MCU: variants seen among roughly 807,000 people sequenced by gnomAD.
MCU encodes mitochondrial calcium uniporter.
A neutral mutation model predicts 45.2 loss-of-function variants in MCU; 12 were observed. The ratio of observed to expected loss-of-function variants is 0.27; its 90% CI spans 0.17 to 0.43. MCU has a LOEUF of 0.43. Ranked by LOEUF, MCU falls within the 20% of genes least tolerant of loss-of-function variation. MCU has a pLI of 1.00. For missense variants in MCU, 324 were observed against 436.7 expected, an observed-to-expected ratio of 0.74 and a Z score of 2.30; for synonymous variants, 160 against 165.1, an observed-to-expected ratio of 0.97 and a Z score of 0.24.
intron 1 of MCU, among the ~76,000 whole-genome samples, chr10:72,749,991 G>C (rs1206812066): frequency 6.6e-6 from 1 of 151,480 alleles, no homozygotes; most frequent in Non-Finnish European, 1.5e-5. Context: ...TGTTGACTGG[G>C]CTGGTCTTGA....
intron 2 of MCU, among the ~76,000 whole-genome samples, chr10:72,847,512 A>AG (rs1845141216): frequency 1.3e-5 from 2 of 152,154 alleles, no homozygotes. Context: ...ATGTATGTAT[A>AG]GCAAAAAAAA....
At chr10:72,792,708 C>A (rs1243378331) in intron 1 of MCU, among the ~76,000 whole-genome samples, 1 of 144,886 alleles carries the variant, frequency 6.9e-6, no homozygotes, top group South Asian at 2.4e-4. Context: ...CCCTCCCCCC[C>A]ACCCCCACCC....
chr10:72,713,132 G>A (rs150589888), intron 1 of MCU, among the ~76,000 whole-genome samples: 1 of 152,188 alleles, frequency 6.6e-6, no homozygotes, highest in Non-Finnish European at 1.5e-5. Flanking sequence ...GTTACAAATG[G>A]TGACCAATTT....
intron 1 of MCU, among the ~76,000 whole-genome samples, chr10:72,720,498 A>G (rs1185328050): frequency 6.6e-6 from 1 of 151,676 alleles, no homozygotes; most frequent in Non-Finnish European, 1.5e-5. Context: ...TCCACTGACT[A>G]TTAGGCCCTG....
intron 1 of MCU, chr10:72,760,701 A>ATTTTT (rs995677860): frequency 1.6e-5 from 2 of 123,740 alleles, no homozygotes; most frequent in African/African-American, 6.9e-5. Flanking sequence ...GGTTACTTAA[A>ATTTTT]TTTTTTTTTT....
rs1845094750 is a variant in MCU, at chr10:72,844,668, T to C, written c.220+10240T>C. On this transcript the variant is annotated intron_variant, in intron 2 of 7. Coordinates refer to ENST00000373053, the MANE Select transcript of MCU (RefSeq NM_138357.3). ...AAGTAGATAGATATTTAGTTTATTC[T>C]ATTAAAATGACAATCTTATATTTTG... Among the ~76,000 whole-genome samples the C allele has an allele frequency of 2.6e-5, 4 of 152,298 alleles. No homozygotes were observed. In the South Asian group the frequency reaches 8.3e-4, roughly 32 times the overall value.
intron 1 of MCU, among the ~76,000 whole-genome samples, chr10:72,763,530 CA>C (rs972060717): frequency 1.6e-4 from 25 of 152,108 alleles, no homozygotes; most frequent in African/African-American, 6.0e-4. Flanking sequence ...TAAAGAATCA[CA>C]AATCAGTAAA....
chr10:72,854,812 T>C (rs1273254564), intron 2 of MCU, among the ~76,000 whole-genome samples: 1 of 152,242 alleles, frequency 6.6e-6, no homozygotes, highest in Non-Finnish European at 1.5e-5. Context: ...ATATTGCCTG[T>C]GGCTGCTTTT....
At chr10:72,790,980 A>G (rs942280388) in intron 1 of MCU, among the ~76,000 whole-genome samples, 6 of 152,220 alleles carry the variant, frequency 3.9e-5, no homozygotes, top group African/African-American at 7.2e-5. Flanking sequence ...CTATTCGTAT[A>G]TAATTAGTGT....
At chr10:72,702,565 T>C (rs952980869) in intron 1 of MCU, among the ~76,000 whole-genome samples, 3 of 152,180 alleles carry the variant, frequency 2.0e-5, no homozygotes, top group Non-Finnish European at 4.4e-5. Context: ...CAGGAGACAT[T>C]GTACAAACAG....
intron 1 of MCU, among the ~76,000 whole-genome samples, chr10:72,833,787 G>A (rs940319496): frequency 2.0e-5 from 3 of 152,228 alleles, no homozygotes; most frequent in African/African-American, 7.2e-5. Context: ...GTGGATGTGA[G>A]TGTGAGTGAT....
intron 1 of MCU, among the ~76,000 whole-genome samples, chr10:72,826,632 A>G (rs931382787): frequency 4.6e-5 from 7 of 152,192 alleles, no homozygotes; most frequent in African/African-American, 1.2e-4. Flanking sequence ...ATGAAGTTCT[A>G]TTTTTACTCT....
intron 1 of MCU, among the ~76,000 whole-genome samples, chr10:72,728,727 T>G (rs898074706): frequency 9.2e-5 from 14 of 152,174 alleles, no homozygotes; most frequent in Non-Finnish European, 2.9e-5. Context: ...TTAACATAGT[T>G]TGAGGACACT....
chr10:72,720,108 C>T (rs556252195), intron 1 of MCU, among the ~76,000 whole-genome samples: 30 of 152,226 alleles, frequency 2.0e-4, no homozygotes, highest in African/African-American at 6.7e-4. Flanking sequence ...CACTCCTAGC[C>T]TCAAGCAATC....
At chr10:72,701,601 A>G (rs1205334670) in intron 1 of MCU, among the ~76,000 whole-genome samples, 2 of 152,008 alleles carry the variant, frequency 1.3e-5, no homozygotes, top group Non-Finnish European at 2.9e-5. Flanking sequence ...ATCTCGGCTC[A>G]CTGCAAGCTC....
chr10:72,845,313 C>T (rs889062143), intron 2 of MCU, among the ~76,000 whole-genome samples: 1 of 152,086 alleles, frequency 6.6e-6, no homozygotes, highest in African/African-American at 2.4e-5. Context: ...TAAAAATTTA[C>T]ATCAGAAACT....
At chr10:72,741,783 C>A (rs1233943948) in intron 1 of MCU, among the ~76,000 whole-genome samples, 5 of 152,158 alleles carry the variant, frequency 3.3e-5, no homozygotes, top group African/African-American at 1.2e-4. Flanking sequence ...AATCCCAGCA[C>A]TTTGGGAGGC....
At chr10:72,860,708 A>G (rs1845363282) in intron 4 of MCU, among the ~76,000 whole-genome samples, 181 bp downstream of exon 4, 1 of 152,216 alleles carries the variant, frequency 6.6e-6, no homozygotes, top group Non-Finnish European at 1.5e-5. Flanking sequence ...CTTGGCTAGT[A>G]CGTCGACAAA....
At chr10:72,823,814 C>T (rs1226715368) in intron 1 of MCU, among the ~76,000 whole-genome samples, 1 of 152,168 alleles carries the variant, frequency 6.6e-6, no homozygotes, top group East Asian at 1.9e-4. Flanking sequence ...AATCCCAGCA[C>T]TTTGGGAGGC....
Sources: allele counts gnomAD v4.1 joint callset (sites outside exome capture counted in the v4.1 genomes callset), GRCh38; gene constraint gnomAD v4.1.1; transcripts MANE v1.5; gene names NCBI Gene and HGNC (gene_info 2026-07-23, HGNC 2026-07-21).